Variants in ITGAL observed in about 807,000 individuals in gnomAD.
The protein encoded by ITGAL is integrin alpha-L.
Under a neutral mutation model 138.4 loss-of-function variants are expected in ITGAL, and 68 were observed. The ratio of observed to expected loss-of-function variants is 0.49; its 90% CI spans 0.40 to 0.60. ITGAL has a LOEUF of 0.60. Among genes scored for constraint, ITGAL ranks in the 20% least tolerant of loss-of-function variants. The probability of loss-of-function intolerance (pLI) is 0.00; values close to 1 mark genes in which losing one functional copy is unlikely to be tolerated. For synonymous variants in ITGAL, 561 were observed against 584.3 expected (o/e 0.96, Z 0.57); for missense variants, 1,256 against 1,478.6 (o/e 0.85, Z 2.47).
chr16:30,504,317 G>T (rs2050950579), intron 18 of ITGAL, 53 bp downstream of exon 18: 3 of 1,402,054 alleles, frequency 2.1e-6, no homozygotes, highest in Admixed American at 1.7e-5. Context: ...AATCCATTTG[G>T]CAAGAAGAGC....
chr16:30,490,158 C>T (rs558323604), intron 11 of ITGAL, among the ~76,000 whole-genome samples: 25 of 133,678 alleles, frequency 1.9e-4, no homozygotes, highest in Non-Finnish European at 2.8e-4. Context: ...ACCCAGGAGG[C>T]GGAGGTTGCA....
chr16:30,487,497 C>T (rs2050664942), intron 9 of ITGAL, among the ~76,000 whole-genome samples: 1 of 151,126 alleles, frequency 6.6e-6, no homozygotes, highest in African/African-American at 2.4e-5. Flanking sequence ...GCAACCTCAG[C>T]CTCCTCGGTT....
At chr16:30,472,928 C>T in intron 1 of ITGAL, 30 bp downstream of exon 1, 1 of 1,601,494 alleles carries the variant, frequency 6.2e-7, no homozygotes, top group Non-Finnish European at 8.5e-7. Context: ...GGGGAAGGGA[C>T]ATGTGTCTGT....
chr16:30,507,865 A>G (rs1183151487), intron 21 of ITGAL, among the ~76,000 whole-genome samples: 1 of 151,922 alleles, frequency 6.6e-6, no homozygotes, highest in East Asian at 1.9e-4. Flanking sequence ...CTGTCAATGA[A>G]CACTTGAATT....
intron 15 of ITGAL, among the ~76,000 whole-genome samples, chr16:30,497,277 A>C (rs1800439632): frequency 6.6e-6 from 1 of 150,856 alleles, no homozygotes; most frequent in African/African-American, 2.4e-5. Flanking sequence ...CAGGAGGCGG[A>C]GCTTGCAGTG....
intron 17 of ITGAL, among the ~76,000 whole-genome samples, chr16:30,499,733 A>ATGTGTATATATATATATATATATTT: frequency 2.3e-5 from 2 of 88,388 alleles, no homozygotes; most frequent in Non-Finnish European, 3.8e-5. Context: ...ATATATATAT[A>ATGTGTATATATATATATATATATTT]TTTTTTTTTT....
rs572106230 is a variant in ITGAL at position 30,515,821 on chromosome 16, A to C, written c.2863-1152A>C. 1.1e-4 allele frequency among the ~76,000 whole-genome samples: 17 copies of C among 152,142 alleles called. No homozygotes were observed. In the East Asian group the frequency reaches 3.3e-3, roughly 29 times the overall value. ...ACCCCATCTCTACTAAAAATACAAAAATTAGCTAGGTGTGGTGGTGTGTGC... is the reference window on the plus strand; with the variant it reads ...ACCCCATCTCTACTAAAAATACAAACATTAGCTAGGTGTGGTGGTGTGTGC... On this transcript the variant is annotated intron_variant, in intron 25 of 30. Coordinates refer to ENST00000356798, the MANE Select transcript of ITGAL (RefSeq NM_002209.3).
intron 4 of ITGAL, among the ~76,000 whole-genome samples, chr16:30,476,229 C>T (rs149760769): frequency 0.014 from 2,105 of 151,080 alleles, 49 homozygotes; most frequent in African/African-American, 0.048. Flanking sequence ...CCAGCCTGGG[C>T]GGCAGAGTGA....
Position 30,484,180 on chromosome 16 carries a change from G to C in ITGAL, c.923G>C (p.Ser308Thr). ...TLHKFASKPA[S>T]EFVKILDTFE... ...CACAAATTTGCATCAAAACCCGCGA[G>C]CGAGTTTGTGAAAATTCTGGACACA... Residue 308 changes from serine to threonine, a missense_variant, in exon 9 of 31, where the codon AGC becomes ACC. By Grantham distance (58) the Ser-to-Thr change is moderately conservative. Transcript: ENST00000356798. 6.2e-7 allele frequency: 1 copy of C among 1,614,124 alleles called. No homozygotes were observed. The highest frequency in any genetic ancestry group is 8.5e-7 in the Non-Finnish European group (1 of 1,180,018).
At chr16:30,473,997 C>A (rs2050429506) in intron 1 of ITGAL, 199 bp from the exon 2 acceptor site, 1 of 691,066 alleles carries the variant, frequency 1.4e-6, no homozygotes, top group Non-Finnish European at 2.6e-6. Context: ...TCCTCAGGCC[C>A]TGGGAAGAGC....
In ITGAL at chr16:30,521,820, CT is replaced by C; in HGVS notation, c.*156del. Reference sequence around the variant, plus strand: ...TCTCGAACATGGAACTCATTCCTGCCTGTCTCCTTTGCAGGCTCATAGGGAA... The same window carrying C: ...TCTCGAACATGGAACTCATTCCTGCCGTCTCCTTTGCAGGCTCATAGGGAA... On this transcript the variant is annotated 3_prime_UTR_variant, in exon 31 of 31. Coordinates refer to ENST00000356798, the MANE Select transcript of ITGAL (RefSeq NM_002209.3). 2.8e-6 allele frequency: 2 copies of C among 722,180 alleles called. No individual in the cohort carries two copies. Among genetic ancestry groups the C allele is most frequent in the Non-Finnish European group, 4.4e-6 (2 of 451,038 alleles). 44.7% of individuals were successfully genotyped at this position (722,180 alleles called of 1,614,324 possible).
chr16:30,513,668 G>A (rs2051123317), intron 24 of ITGAL, 103 bp from the exon 25 acceptor site: 2 of 804,294 alleles, frequency 2.5e-6, no homozygotes, highest in Admixed American at 3.7e-5. Context: ...GAATGAGATG[G>A]TATCTGTGCC....
At chr16:30,497,707 G>A (rs1206086998) in intron 15 of ITGAL, among the ~76,000 whole-genome samples, 2 of 151,800 alleles carry the variant, frequency 1.3e-5, no homozygotes, top group Non-Finnish European at 2.9e-5. Flanking sequence ...TTGAACTCCT[G>A]ACCTCAAGGG....
rs764239058 is a variant in ITGAL, at chr16:30,489,275, G to T, written c.1102G>T (p.Val368Leu). ...GCAGGGCCATGCAGTCGTGGGGGCA[G>T]TAGGAGCCAAGGACTGGGCTGGGGG... ...LSRGHAVVGA[V>L]GAKDWAGGFL... Residue 368 changes from valine (V) to leucine (L), a missense_variant, in exon 11 of 31, where the codon GTA (valine) becomes TTA (leucine). Val to Leu is a conservative substitution (Grantham distance 32, BLOSUM62 1). Around this residue, in one of 3 missense-constraint regions of ITGAL, gnomAD observed 177 missense variants for 288.8 expected, o/e 0.61. Coordinates refer to ENST00000356798, the MANE Select transcript of ITGAL (RefSeq NM_002209.3). The T allele has an allele frequency of 6.2e-7, 1 of 1,613,806 alleles. No homozygotes were observed. The highest frequency in any genetic ancestry group is 1.7e-5 in the Admixed American group (1 of 60,014).
At chr16:30,473,563 C>G (rs549141714) in intron 1 of ITGAL, among the ~76,000 whole-genome samples, 1 of 152,202 alleles carries the variant, frequency 6.6e-6, no homozygotes, top group Non-Finnish European at 1.5e-5. Flanking sequence ...CACCCTTCAT[C>G]TAAACAAATG....
chr16:30,487,139 T>C (rs757778195), intron 9 of ITGAL, among the ~76,000 whole-genome samples: 5 of 118,014 alleles, frequency 4.2e-5, no homozygotes, highest in Non-Finnish European at 8.3e-5. Flanking sequence ...TGAGACTCCG[T>C]CTCAAAAAAA....
At chr16:30,499,733 A>T (rs11150591) in intron 17 of ITGAL, among the ~76,000 whole-genome samples, 29,942 of 88,710 alleles carry the variant, frequency 0.34, 5,885 homozygotes, top group Non-Finnish European at 0.39. Flanking sequence ...ATATATATAT[A>T]TTTTTTTTTT....
chr16:30,496,684 C>T (rs2050805672), intron 15 of ITGAL, 118 bp downstream of exon 15: 2 of 959,742 alleles, frequency 2.1e-6, no homozygotes, highest in Admixed American at 7.1e-5. Context: ...CTTTGTTGCT[C>T]AGGCTGGAGT....
chr16:30,478,890 C>A (rs577696846), intron 4 of ITGAL, among the ~76,000 whole-genome samples: 2 of 151,910 alleles, frequency 1.3e-5, no homozygotes, highest in African/African-American at 4.8e-5. Context: ...CGGTGAGCAT[C>A]CATTGGCATA....
Sources: allele counts gnomAD v4.1 joint callset (sites outside exome capture counted in the v4.1 genomes callset), GRCh38; gene constraint gnomAD v4.1.1; regional missense constraint gnomAD v4.1.1; transcripts MANE v1.5; gene names NCBI Gene and HGNC (gene_info 2026-07-23, HGNC 2026-07-21).